Variants in L3MBTL4 observed in about 807,000 individuals in gnomAD.
L3MBTL4 encodes the protein L3MBTL histone methyl-lysine binding protein 4.
A neutral mutation model predicts 84.5 loss-of-function variants in L3MBTL4; 70 were observed. That is an observed-to-expected ratio of 0.83 (90% CI 0.68 to 1.01). The LOEUF (loss-of-function observed/expected upper bound fraction) is 1.01. Ranked by LOEUF, L3MBTL4 falls within the 50% of genes least tolerant of loss-of-function variation. The pLI is 0.00. For missense variants in L3MBTL4, 715 were observed against 754.8 expected, an observed-to-expected ratio of 0.95 and a Z score of 0.62; for synonymous variants, 274 against 259.8, an observed-to-expected ratio of 1.05 and a Z score of -0.52.
chr18:6,105,654 G>A (rs1490866817), intron 14 of L3MBTL4, among the ~76,000 whole-genome samples: 2 of 151,814 alleles, frequency 1.3e-5, no homozygotes, highest in Non-Finnish European at 1.5e-5. Flanking sequence ...CAAAAAATTA[G>A]CCAGGAGTGA....
At chr18:5,969,242 T>C (rs1259064067) in intron 17 of L3MBTL4, 151 bp downstream of exon 17, 17 of 807,600 alleles carry the variant, frequency 2.1e-5, no homozygotes, top group Non-Finnish European at 3.3e-5. Context: ...CTTCTCCCTC[T>C]AATTTAGGTT....
chr18:6,287,879 T>C (rs2729746), intron 4 of L3MBTL4, among the ~76,000 whole-genome samples: 3,307 of 152,268 alleles, frequency 0.022, 122 homozygotes, highest in African/African-American at 0.076. Flanking sequence ...CCTGTCTCTA[T>C]AAAAATTTAG....
chr18:6,304,170 CT>C (rs879681081), intron 3 of L3MBTL4, among the ~76,000 whole-genome samples: 2 of 151,996 alleles, frequency 1.3e-5, no homozygotes, highest in African/African-American at 2.4e-5. Context: ...ATTTTCCTAC[CT>C]TTTTTTAGTT....
chr18:6,307,610 A>G (rs911737650), intron 3 of L3MBTL4, among the ~76,000 whole-genome samples: 2 of 152,164 alleles, frequency 1.3e-5, no homozygotes, highest in African/African-American at 4.8e-5. Context: ...AAGGGTGACC[A>G]TACCTTAGAG....
chr18:6,233,917 T>A (rs1362116028), intron 10 of L3MBTL4, among the ~76,000 whole-genome samples: 1 of 152,086 alleles, frequency 6.6e-6, no homozygotes, highest in African/African-American at 2.4e-5. Context: ...CTTCAAACTA[T>A]ACTACAAGAC....
chr18:6,255,662 A>G (rs1233975027), intron 5 of L3MBTL4, among the ~76,000 whole-genome samples: 1 of 152,002 alleles, frequency 6.6e-6, no homozygotes, highest in Non-Finnish European at 1.5e-5. Flanking sequence ...CCAACCAAAC[A>G]TCTCAATATA....
intron 16 of L3MBTL4, among the ~76,000 whole-genome samples, chr18:6,072,925 T>TATATAC (rs762853923): frequency 1.3e-5 from 1 of 79,596 alleles, no homozygotes; most frequent in African/African-American, 6.9e-5. Context: ...TATATATATA[T>TATATAC]ACACACATAC....
rs563678931 is a variant in L3MBTL4, at chr18:5,958,062, G to GAGAAGAAGA, written c.1678-1684_1678-1676dup. On this transcript the variant is annotated intron_variant, in intron 18 of 18. Coordinates refer to ENST00000317931, the MANE Select transcript of L3MBTL4 (RefSeq NM_001330559.2). ...GGAGGAGGAGAAGGAGAAGGAGAAG[G>GAGAAGAAGA]AGAAGAAGAAGAAGAAGAAGAAGAA... Among the ~76,000 whole-genome samples, 458 of 93,208 alleles carry GAGAAGAAGA rather than the reference G, an allele frequency of 4.9e-3. 10 individuals are homozygous for GAGAAGAAGA. The highest frequency in any genetic ancestry group is 7.4e-3 in the Non-Finnish European group (355 of 48,230). 61.1% of individuals were successfully genotyped at this position (93,208 alleles called of 152,430 possible).
chr18:6,268,321 T>C (rs188652504), intron 4 of L3MBTL4, among the ~76,000 whole-genome samples: 1,904 of 152,118 alleles, frequency 0.013, 37 homozygotes, highest in African/African-American at 0.043. Context: ...ACAGGAGAAT[T>C]GCTTGAACCC....
chr18:6,334,552 A>G (rs2052228585), intron 1 of L3MBTL4, among the ~76,000 whole-genome samples: 1 of 152,242 alleles, frequency 6.6e-6, no homozygotes. Flanking sequence ...AGTTCCTTCA[A>G]AAAGGAACAT....
At chr18:6,267,656 T>G (rs2048693093) in intron 4 of L3MBTL4, among the ~76,000 whole-genome samples, 1 of 152,244 alleles carries the variant, frequency 6.6e-6, no homozygotes, top group South Asian at 2.1e-4. Context: ...AATTTCTCCA[T>G]TTAGTCATAT....
intron 16 of L3MBTL4, among the ~76,000 whole-genome samples, chr18:5,998,798 T>C (rs995843097): frequency 6.6e-6 from 1 of 152,076 alleles, no homozygotes; most frequent in Non-Finnish European, 1.5e-5. Flanking sequence ...TCTGTTCCTG[T>C]CCCCTCCTTT....
intron 1 of L3MBTL4, among the ~76,000 whole-genome samples, chr18:6,350,172 G>A (rs894691399): frequency 6.6e-6 from 1 of 152,066 alleles, no homozygotes; most frequent in Non-Finnish European, 1.5e-5. Flanking sequence ...AAACATAAGT[G>A]AAAACCCTCA....
rs1019257668 is a variant in L3MBTL4, at chr18:6,396,583, C to CCA, written c.-91+18216_-91+18217dup. ...AGCACCATGTGTGACCATGTGGAAACCACCCCTGTGACTTAGACAGGCAAA... is the reference window on the plus strand; with the variant it reads ...AGCACCATGTGTGACCATGTGGAAACCACACCCCTGTGACTTAGACAGGCAAA... On this transcript the variant is annotated intron_variant, in intron 1 of 18. Transcript: ENST00000317931. The CCA allele has an allele frequency of 1.4e-4, 21 of 152,376 alleles. 4 individuals carry two copies. The highest frequency in any genetic ancestry group is 4.6e-4 in the African/African-American group (19 of 41,588). 9.4% of individuals were successfully genotyped at this position (152,376 alleles called of 1,614,324 possible).
At chr18:5,969,338 C>T (rs937424283) in intron 17 of L3MBTL4, 55 bp downstream of exon 17, 30 of 1,598,242 alleles carry the variant, frequency 1.9e-5, no homozygotes, top group Non-Finnish European at 2.5e-5. Flanking sequence ...CACCTTCCGC[C>T]TATTTCTCAG....
At chr18:6,301,044 T>G (rs2050317250) in intron 4 of L3MBTL4, among the ~76,000 whole-genome samples, 1 of 152,206 alleles carries the variant, frequency 6.6e-6, no homozygotes, top group South Asian at 2.1e-4. Flanking sequence ...TTAAAATCAT[T>G]TAGGGAGAAA....
chr18:6,282,051 A>G (rs866562611), intron 4 of L3MBTL4, among the ~76,000 whole-genome samples: 12 of 152,298 alleles, frequency 7.9e-5, no homozygotes, highest in Admixed American at 2.6e-4. Flanking sequence ...TTTATTAACT[A>G]TGGGATAGCG....
At chr18:6,187,068 G>A (rs1380096784) in intron 12 of L3MBTL4, among the ~76,000 whole-genome samples, 2 of 152,186 alleles carry the variant, frequency 1.3e-5, no homozygotes, top group Non-Finnish European at 2.9e-5. Flanking sequence ...TATGCTTTCT[G>A]TATCCAATCT....
Position 6,326,589 on chromosome 18 carries a change from TAATTCCCATA to T in L3MBTL4, c.-90-14543_-90-14534del, listed in dbSNP as rs1191808392. 3 of 152,238 alleles carry T rather than the reference TAATTCCCATA, an allele frequency of 2.0e-5. No individual in the cohort carries two copies. In the East Asian group the frequency reaches 5.8e-4, roughly 29 times the overall value. The allele number at this position is 152,238 out of a possible 1,614,324, so 9.4% of individuals were successfully genotyped here. The stretch of plus-strand genomic sequence containing the variant: ...CTGGAAAACCCTAAGTCTTCTCTCA[TAATTCCCATA>T]AAGGAAAGCAGGGTTCTATGAGTAA... On this transcript the variant is annotated intron_variant, in intron 1 of 18. Transcript: ENST00000317931.
Sources: allele counts gnomAD v4.1 joint callset (sites outside exome capture counted in the v4.1 genomes callset), GRCh38; gene constraint gnomAD v4.1.1; transcripts MANE v1.5; gene names NCBI Gene and HGNC (gene_info 2026-07-23, HGNC 2026-07-21).